POLD2: variants seen among roughly 807,000 people sequenced by gnomAD.
POLD2 encodes DNA polymerase delta 2, accessory subunit.
Under a neutral mutation model 48.8 loss-of-function variants are expected in POLD2, and 31 were observed. The ratio of observed to expected loss-of-function variants is 0.64; its 90% CI spans 0.48 to 0.86. The LOEUF (loss-of-function observed/expected upper bound fraction) is 0.86, where lower values mean the gene tolerates loss of function less well. POLD2 is among the 40% of genes least tolerant of loss of function. The pLI, the probability that POLD2 is intolerant of heterozygous loss-of-function variation, is 0.00. For missense variants in POLD2, 455 were observed against 610.1 expected (o/e 0.75, Z 2.68); for synonymous variants, 233 against 256.3 (o/e 0.91, Z 0.87).
At chr7:44,115,614 C>T (rs1292834536) in intron 9 of POLD2, 152 bp downstream of exon 9, 41 of 896,148 alleles carry the variant, frequency 4.6e-5, no homozygotes, top group Non-Finnish European at 6.7e-5. Context: ...TCCAGAGTAG[C>T]TTCCAGAGCA....
intron 9 of POLD2, 62 bp downstream of exon 9, chr7:44,115,704 C>T: frequency 1.3e-6 from 2 of 1,578,546 alleles, no homozygotes; most frequent in South Asian, 1.1e-5. Flanking sequence ...ACCCTGTGCA[C>T]TTCAGGGTCC....
Position 44,117,018 on chromosome 7 carries a change from G to A in POLD2, c.582-3C>T. 1 of 1,613,042 alleles carries A rather than the reference G, an allele frequency of 6.2e-7. No individual in the cohort carries two copies. The highest frequency in any genetic ancestry group is 8.5e-7 in the Non-Finnish European group (1 of 1,179,586). On this transcript the variant is annotated splice_region_variant and splice_polypyrimidine_tract_variant and intron_variant, in intron 5 of 10. Coordinates refer to ENST00000610533, the MANE Select transcript of POLD2 (RefSeq NM_006230.4). ...GGCCGGACACCAGTAGCACAAACCT[G>A]CGGGAGAAGGTGGGGTCCTCCAGGG...
At chr7:44,119,447 A>G (rs994968395) in intron 2 of POLD2, among the ~76,000 whole-genome samples, 6 of 152,188 alleles carry the variant, frequency 3.9e-5, no homozygotes, top group African/African-American at 1.4e-4. Flanking sequence ...GAGCAACTCA[A>G]AACAAGACAA....
intron 1 of POLD2, 175 bp downstream of exon 1, chr7:44,123,336 G>A: frequency 7.3e-7 from 1 of 1,374,310 alleles, no homozygotes; most frequent in Non-Finnish European, 9.3e-7. Flanking sequence ...GCGCTACTCG[G>A]GATGGGGCCG....
intron 1 of POLD2, 172 bp downstream of exon 1, chr7:44,123,339 T>G: frequency 7.3e-7 from 1 of 1,375,220 alleles, no homozygotes; most frequent in Non-Finnish European, 9.3e-7. Context: ...CTACTCGGGA[T>G]GGGGCCGAGA....
chr7:44,120,961 C>T (rs549468338), intron 2 of POLD2, among the ~76,000 whole-genome samples: 11 of 152,230 alleles, frequency 7.2e-5, no homozygotes, highest in African/African-American at 2.2e-4. Context: ...CTGCCTATAA[C>T]GAGAATTGAT....
At chr7:44,117,788 C>G in intron 3 of POLD2, 46 bp from the exon 4 acceptor site, 1 of 1,612,250 alleles carries the variant, frequency 6.2e-7, no homozygotes. Flanking sequence ...CAGAGCCCAC[C>G]AAAGCTCTGG....
upstream of POLD2, chr7:44,123,607 T>G (rs1195476241): frequency 2.1e-5 from 30 of 1,428,396 alleles, no homozygotes; most frequent in East Asian, 9.1e-4. Context: ...CATCGCCTAA[T>G]CTCACCAATC....
Position 44,115,836 on chromosome 7 carries a change from C to G in POLD2, c.1077G>C (p.Glu359Asp). The G allele has an allele frequency of 6.2e-7, 1 of 1,614,210 alleles. No homozygotes were observed. The highest frequency in any genetic ancestry group is 8.5e-7 in the Non-Finnish European group (1 of 1,180,036). The change falls in exon 9 of 11, where the codon GAG becomes GAC. Residue 359 changes from glutamate (E) to aspartate (D), a missense_variant. Coordinates refer to ENST00000610533, the MANE Select transcript of POLD2 (RefSeq NM_006230.4). ...VSDIFRYSSM[E>D]DHLEILEWTL... ...TCCACTCCAGGATCTCCAAGTGATC[C>G]TCCATGCTGCTGTATCGGAAAATGT...
Position 44,116,782 on chromosome 7 carries a change from G to T in POLD2, c.780+35C>A. The T allele has an allele frequency of 6.2e-7, 1 of 1,605,286 alleles. No homozygotes were observed. The highest frequency in any genetic ancestry group is 8.5e-7 in the Non-Finnish European group (1 of 1,173,872). On this transcript the variant is annotated intron_variant, in intron 6 of 10. Transcript: ENST00000610533. The surrounding 1 kb of genome is among the most constrained non-coding windows in gnomAD (Gnocchi z 6.1). ...GGTCTTACAGGCTTGCAGGCTCCTG[G>T]GCTGGGGCTGAATGCAGCCAGGTGG...
At chr7:44,122,559 A>C in intron 1 of POLD2, 5 of 616,554 alleles carry the variant, frequency 8.1e-6, no homozygotes, top group Non-Finnish European at 1.0e-5. Context: ...CAAAACCAAA[A>C]CATAAATCAG....
At chr7:44,120,682 C>A (rs375430540) in intron 2 of POLD2, among the ~76,000 whole-genome samples, 32 of 152,234 alleles carry the variant, frequency 2.1e-4, no homozygotes, top group African/African-American at 7.5e-4. Flanking sequence ...ATCATGCGAT[C>A]TGATGGTTTA....
In POLD2 at chr7:44,121,589, G is replaced by T. The variant is rs2096248212; in HGVS notation, c.220+245C>A. Among the ~76,000 whole-genome samples, 1 of 152,258 alleles carries T rather than the reference G, an allele frequency of 6.6e-6. No individual in the cohort carries two copies. The highest frequency in any genetic ancestry group is 2.1e-4 in the South Asian group (1 of 4,824). ...ATTTTCCTCTGCCAGTGAAGTAATC[G>T]CCATCACCGCCAGAACTAAGTCCTC... On this transcript the variant is annotated intron_variant, in intron 2 of 10. Transcript: ENST00000610533. This position sits in a 1 kb window ranked among gnomAD's most constrained non-coding sequence, Gnocchi z 4.5.
chr7:44,118,092 G>A (rs1450478855), intron 2 of POLD2, 28 bp from the exon 3 acceptor site: 1 of 1,612,308 alleles, frequency 6.2e-7, no homozygotes, highest in Non-Finnish European at 8.5e-7. Flanking sequence ...CAGACTCAGA[G>A]ATGAAGTAGC....
At chr7:44,122,343 C>T (rs1434533343) in intron 1 of POLD2, 57 of 1,311,794 alleles carry the variant, frequency 4.3e-5, no homozygotes, top group Non-Finnish European at 5.5e-5. Flanking sequence ...ATCTGGAGTT[C>T]TTCCCGAACC....
At chr7:44,122,531 A>T in intron 1 of POLD2, 2 of 856,156 alleles carry the variant, frequency 2.3e-6, no homozygotes, top group Non-Finnish European at 2.8e-6. Flanking sequence ...CTATTATTAA[A>T]TAATAATAGA....
In POLD2 at chr7:44,118,338, A is replaced by G. The variant is rs3217963; in HGVS notation, c.221-274T>C. ...GACACACAGACAAGAGGGAGTGTGA[A>G]GACGGGCAGAGCGGAGTGATGCGGC... On this transcript the variant is annotated intron_variant, in intron 2 of 10. Transcript: ENST00000610533. 6.9e-3 allele frequency: 2,320 copies of G among 334,342 alleles called. 58 individuals are homozygous for G. Among genetic ancestry groups the G allele is most frequent in the African/African-American group, 0.043 (2,035 of 46,968 alleles). The allele number at this position is 334,342 out of a possible 1,614,324, so 20.7% of individuals were successfully genotyped here. A position where few individuals can be genotyped will look rare whatever the true frequency, so the allele number is the denominator to read the frequency against.
At chr7:44,118,948 C>T (rs975619686) in intron 2 of POLD2, among the ~76,000 whole-genome samples, 4 of 152,178 alleles carry the variant, frequency 2.6e-5, no homozygotes, top group Non-Finnish European at 5.9e-5. Context: ...TGCCAAGTCT[C>T]AACACAGCCC....
At chr7:44,118,312 A>G (rs2128811523) in intron 2 of POLD2, 1 of 409,448 alleles carries the variant, frequency 2.4e-6, no homozygotes, top group Admixed American at 4.1e-5. Flanking sequence ...ACAGAGAGAC[A>G]GACACACAGA....
Sources: gnomAD v4.1 joint callset for allele counts (sites outside exome capture counted in the v4.1 genomes callset) on GRCh38, gnomAD v4.1.1 for gene constraint, Gnocchi (gnomAD v3.1) non-coding constraint, MANE v1.5 for transcripts, NCBI Gene and HGNC (gene_info 2026-07-23, HGNC 2026-07-21) for gene names.